The following SETBP1 variants were observed in gnomAD, a reference collection of about 807,000 sequenced individuals.
The protein encoded by SETBP1 is SET binding protein 1.
A neutral mutation model predicts 101.0 loss-of-function variants in SETBP1; 9 were observed. The ratio of observed to expected loss-of-function variants is 0.09; its 90% CI spans 0.05 to 0.16. The LOEUF is 0.16. Ranked by LOEUF, SETBP1 falls within the 10% of genes least tolerant of loss-of-function variation. The pLI is 1.00. For synonymous variants in SETBP1, 818 were observed against 788.5 expected (o/e 1.04, Z -0.63); for missense variants, 1,858 against 2,033.8 (o/e 0.91, Z 1.66).
At position 44,797,603 on chromosome 18, in the gene SETBP1, C is replaced by T. The variant is rs536165978; in HGVS notation, c.487-71627C>T. Among the ~76,000 whole-genome samples, 8 of 152,198 alleles carry T rather than the reference C, an allele frequency of 5.3e-5. No homozygotes were observed. In the South Asian group the frequency reaches 1.0e-3, roughly 20 times the overall value. On this transcript the variant is annotated intron_variant, in intron 2 of 5. Coordinates refer to ENST00000649279, the MANE Select transcript of SETBP1 (RefSeq NM_015559.3). ...TCAGGATCTCTTAGAATTCTCTTGG[C>T]GAAAATGGTAGCTCTCTCTTGCGCC...
At chr18:44,751,088 C>T (rs1432547233) in intron 2 of SETBP1, among the ~76,000 whole-genome samples, 1 of 152,128 alleles carries the variant, frequency 6.6e-6, no homozygotes, top group Non-Finnish European at 1.5e-5. Context: ...ATATTTAGCA[C>T]TTACTATCTC....
At chr18:44,720,903 C>CA (rs1354616567) in intron 2 of SETBP1, among the ~76,000 whole-genome samples, 1 of 89,760 alleles carries the variant, frequency 1.1e-5, no homozygotes, top group East Asian at 3.9e-4. Context: ...GCCCTCCAAC[C>CA]CCCACCCCCC....
intron 2 of SETBP1, among the ~76,000 whole-genome samples, chr18:44,770,434 TA>T (rs1274556945): frequency 6.6e-6 from 1 of 152,236 alleles, no homozygotes; most frequent in Non-Finnish European, 1.5e-5. Flanking sequence ...TTATTTGGTT[TA>T]TTTTTAACCT....
intron 3 of SETBP1, among the ~76,000 whole-genome samples, chr18:44,872,814 A>G (rs1464437453): frequency 6.6e-6 from 1 of 152,262 alleles, no homozygotes; most frequent in Non-Finnish European, 1.5e-5. Flanking sequence ...ATTCAGACTC[A>G]GGTCCTGCAT....
chr18:44,791,718 G>GGT, intron 2 of SETBP1, among the ~76,000 whole-genome samples: 1 of 150,538 alleles, frequency 6.6e-6, no homozygotes, highest in East Asian at 2.0e-4. Context: ...TTCCTGTGGG[G>GGT]GCGAGAGAGA....
intron 2 of SETBP1, among the ~76,000 whole-genome samples, chr18:44,755,077 G>C (rs1056618830): frequency 2.0e-5 from 3 of 152,162 alleles, no homozygotes; most frequent in Non-Finnish European, 4.4e-5. Context: ...ACCCTCTGCA[G>C]GTTACTAAAA....
At chr18:44,939,215 T>G (rs149514769) in intron 3 of SETBP1, among the ~76,000 whole-genome samples, 2 of 152,160 alleles carry the variant, frequency 1.3e-5, no homozygotes, top group East Asian at 3.9e-4. Flanking sequence ...GGAAACTCCC[T>G]CATGCCCATG....
intron 2 of SETBP1, among the ~76,000 whole-genome samples, chr18:44,755,542 C>T (rs183831777): frequency 3.6e-4 from 55 of 151,354 alleles, no homozygotes; most frequent in African/African-American, 1.3e-3. Context: ...GGCTTTTGGA[C>T]TCTGGAACTT....
At chr18:44,845,637 C>G (rs551591001) in intron 2 of SETBP1, among the ~76,000 whole-genome samples, 1 of 152,322 alleles carries the variant, frequency 6.6e-6, no homozygotes, top group African/African-American at 2.4e-5. Flanking sequence ...TGCCAGGGGG[C>G]GTGATGCTCT....
chr18:44,881,359 G>T (rs1186425447), intron 3 of SETBP1, among the ~76,000 whole-genome samples: 1 of 152,152 alleles, frequency 6.6e-6, no homozygotes, highest in Admixed American at 6.6e-5. Flanking sequence ...AAGAGGAGAC[G>T]GGAGGGTGCT....
At chr18:44,822,018 A>G (rs559571782) in intron 2 of SETBP1, among the ~76,000 whole-genome samples, 9 of 152,338 alleles carry the variant, frequency 5.9e-5, no homozygotes, top group African/African-American at 2.2e-4. Flanking sequence ...CTCTCTACTG[A>G]TTAAATTCTC....
upstream of SETBP1, among the ~76,000 whole-genome samples, chr18:44,680,745 C>T (rs945213352): frequency 6.6e-6 from 1 of 152,066 alleles, no homozygotes. Flanking sequence ...ATCTACCCCC[C>T]CTCCGCCCCC....
chr18:45,021,633 A>C (rs1164966928), intron 4 of SETBP1, among the ~76,000 whole-genome samples: 1 of 152,204 alleles, frequency 6.6e-6, no homozygotes, highest in African/African-American at 2.4e-5. Flanking sequence ...TCATAAAGAG[A>C]AGAAGAAAAA....
chr18:44,697,278 G>A (rs931006165), intron 1 of SETBP1: 2 of 152,410 alleles, frequency 1.3e-5, no homozygotes, highest in African/African-American at 2.4e-5. Context: ...GGGGAGGCAG[G>A]TACGTGCTGG....
chr18:44,750,467 G>A (rs916232927), intron 2 of SETBP1, among the ~76,000 whole-genome samples: 1 of 152,190 alleles, frequency 6.6e-6, no homozygotes, highest in African/African-American at 2.4e-5. Flanking sequence ...ATCACACTGG[G>A]GGTTAGGGTG....
At chr18:44,969,368 A>C (rs2071791076) in intron 4 of SETBP1, among the ~76,000 whole-genome samples, 1 of 152,238 alleles carries the variant, frequency 6.6e-6, no homozygotes, top group South Asian at 2.1e-4. Context: ...AAAAGCCCTC[A>C]GTTATGTCTA....
intron 3 of SETBP1, among the ~76,000 whole-genome samples, chr18:44,932,013 T>C (rs913564996): frequency 1.2e-4 from 18 of 152,224 alleles, no homozygotes; most frequent in African/African-American, 4.1e-4. Context: ...GCTTGTTAGT[T>C]GATGCAGTTT....
chr18:44,869,656 A>C, intron 3 of SETBP1: 1 of 335,954 alleles, frequency 3.0e-6, no homozygotes, highest in South Asian at 2.6e-5. Flanking sequence ...GGACACTCGC[A>C]TGTCTGTAAT....
At chr18:44,869,184 G>A (rs1234223899) in intron 2 of SETBP1, 46 bp from the exon 3 acceptor site, 35 of 1,572,872 alleles carry the variant, frequency 2.2e-5, no homozygotes, top group Non-Finnish European at 3.0e-5. Context: ...GATACTGTAT[G>A]CAAACTGAAA....
Sources: allele counts gnomAD v4.1 joint callset (sites outside exome capture counted in the v4.1 genomes callset), GRCh38; gene constraint gnomAD v4.1.1; transcripts MANE v1.5; gene names NCBI Gene and HGNC (gene_info 2026-07-23, HGNC 2026-07-21).